Variants in FEZ2 observed in about 807,000 individuals in gnomAD.
The protein encoded by FEZ2 is fasciculation and elongation protein zeta 2.
FEZ2 carries 51 observed loss-of-function variants against 40.4 expected under a neutral mutation model. That is an observed-to-expected ratio of 1.26 (90% CI 1.01 to 1.59). FEZ2 has a LOEUF of 1.59. FEZ2 is among the 40% of genes most tolerant of loss of function. FEZ2 has a pLI of 0.00. For missense variants in FEZ2, 640 were observed against 438.3 expected, an observed-to-expected ratio of 1.46 and a Z score of -4.11; for synonymous variants, 242 against 172.0, an observed-to-expected ratio of 1.41 and a Z score of -3.18.
chr2:36,567,556 G>A (rs1308748053), intron 5 of FEZ2, among the ~76,000 whole-genome samples: 1 of 152,124 alleles, frequency 6.6e-6, no homozygotes, highest in Non-Finnish European at 1.5e-5. Context: ...GACGTCAGGA[G>A]TTCGAGACCA....
chr2:36,563,150 C>G (rs913027719), intron 5 of FEZ2, among the ~76,000 whole-genome samples: 1 of 152,172 alleles, frequency 6.6e-6, no homozygotes, highest in Non-Finnish European at 1.5e-5. Flanking sequence ...TGTGTGGTTG[C>G]AGACATTACT....
At chr2:36,576,076 T>C (rs1306186634) in intron 5 of FEZ2, among the ~76,000 whole-genome samples, 1 of 152,184 alleles carries the variant, frequency 6.6e-6, no homozygotes, top group Non-Finnish European at 1.5e-5. Flanking sequence ...AGCAAACTCA[T>C]AGAGACCAGG....
At position 36,598,118 on chromosome 2, in the gene FEZ2, C is replaced by A. The variant is rs866404033; in HGVS notation, c.25G>T (p.Asp9Tyr). The stretch of plus-strand genomic sequence containing the variant: ...GCCGGCTCCTGGAACTCATAGAAAT[C>A]CTGCCAGTCCCCGTCCGCCGCCATC... The part of the protein sequence containing the change: MAADGDWQ[D>Y]FYEFQEPARS... Residue 9 changes from aspartate (D) to tyrosine (Y), a missense_variant, in exon 1 of 8, where the codon GAT (aspartate) becomes TAT (tyrosine). Asp to Tyr is a radical substitution (Grantham distance 160). Coordinates refer to ENST00000405912, the MANE Select transcript of FEZ2 (RefSeq NM_005102.3). 1 of 1,481,116 alleles carries A rather than the reference C, an allele frequency of 6.8e-7. No individual in the cohort carries two copies. The highest frequency in any genetic ancestry group is 1.3e-5 in the South Asian group (1 of 79,266). 91.7% of individuals were successfully genotyped at this position (1,481,116 alleles called of 1,614,324 possible).
At chr2:36,554,749 A>G (rs74874151) in intron 7 of FEZ2, among the ~76,000 whole-genome samples, 1 of 152,216 alleles carries the variant, frequency 6.6e-6, no homozygotes, top group Admixed American at 6.5e-5. Context: ...CACCCTGTGT[A>G]TACTACTGAG....
intron 7 of FEZ2, among the ~76,000 whole-genome samples, chr2:36,555,066 T>C (rs1402521475): frequency 6.6e-6 from 1 of 152,212 alleles, no homozygotes; most frequent in Non-Finnish European, 1.5e-5. Context: ...ACTTTGCTCT[T>C]TTCTCGGCAA....
At chr2:36,586,066 T>A (rs1025611223) in intron 2 of FEZ2, among the ~76,000 whole-genome samples, 1 of 151,638 alleles carries the variant, frequency 6.6e-6, no homozygotes, top group Admixed American at 6.6e-5. Flanking sequence ...CTTTAATAAT[T>A]TAATTTTTTA....
At chr2:36,593,693 T>TG (rs771846004) in intron 1 of FEZ2, among the ~76,000 whole-genome samples, 24 of 152,046 alleles carry the variant, frequency 1.6e-4, no homozygotes, top group Non-Finnish European at 3.1e-4. Flanking sequence ...TGTTCCTTTT[T>TG]GGGCCTCCAG....
At chr2:36,566,806 T>C (rs747991153) in intron 5 of FEZ2, among the ~76,000 whole-genome samples, 1 of 152,258 alleles carries the variant, frequency 6.6e-6, no homozygotes, top group African/African-American at 2.4e-5. Flanking sequence ...TGCCAAGGCC[T>C]GTTACCTCAC....
rs1669178934 is a variant in FEZ2, at chr2:36,595,131, C to A, written c.266+2746G>T. ...TAAAACCTCAGTACGTAAATACAAT[C>A]CATATTTAACCAAAACAAAAGCTGA... On this transcript the variant is annotated intron_variant, in intron 1 of 7. Transcript: ENST00000405912. Among the ~76,000 whole-genome samples, 2 of 152,114 alleles carry A rather than the reference C, an allele frequency of 1.3e-5. 1 individual carries two copies. The highest frequency in any genetic ancestry group is 1.3e-4 in the Admixed American group (2 of 15,278).
chr2:36,576,272 T>C (rs950379042), intron 5 of FEZ2, among the ~76,000 whole-genome samples: 21 of 93,930 alleles, frequency 2.2e-4, no homozygotes, highest in Middle Eastern at 0.01. Context: ...TTTTAGGCTT[T>C]TTATTTTTTT....
In FEZ2 at chr2:36,554,910, A is replaced by T. The variant is rs1215822134; in HGVS notation, c.1045+773T>A. 3.3e-5 allele frequency among the ~76,000 whole-genome samples: 5 copies of T among 152,230 alleles called. No homozygotes were observed. In the East Asian group the frequency reaches 9.6e-4, roughly 29 times the overall value. On this transcript the variant is annotated intron_variant, in intron 7 of 7. Transcript: ENST00000405912. Reference sequence around the variant, plus strand: ...CTGTTACTAGAAGAGGATTGCTCTCAAAATTTGATCAAACACTACAAAGAT... The same window carrying T: ...CTGTTACTAGAAGAGGATTGCTCTCTAAATTTGATCAAACACTACAAAGAT...
At chr2:36,562,853 AAAGAG>A (rs1461197761) in intron 5 of FEZ2, among the ~76,000 whole-genome samples, 1 of 152,240 alleles carries the variant, frequency 6.6e-6, no homozygotes, top group Non-Finnish European at 1.5e-5. Context: ...CAAATGTGAC[AAAGAG>A]AAGAGTACTT....
intron 1 of FEZ2, among the ~76,000 whole-genome samples, chr2:36,595,421 C>T (rs1669187640): frequency 1.3e-5 from 2 of 152,080 alleles, no homozygotes; most frequent in Admixed American, 6.6e-5. Flanking sequence ...AGAACCCTCA[C>T]TTGTGCAGTT....
chr2:36,572,204 C>G (rs1523786), intron 5 of FEZ2, among the ~76,000 whole-genome samples: 48,181 of 151,882 alleles, frequency 0.32, 7,983 homozygotes, highest in Middle Eastern at 0.52. Flanking sequence ...ACCTAGCCAC[C>G]GGGATTCAGA....
chr2:36,580,007 G>C (rs1668685963), intron 4 of FEZ2, among the ~76,000 whole-genome samples: 1 of 152,250 alleles, frequency 6.6e-6, no homozygotes, highest in East Asian at 1.9e-4. Context: ...ACCACGTGAA[G>C]ACATAGGGAA....
chr2:36,581,236 C>T (rs886376693), intron 4 of FEZ2, 54 bp downstream of exon 4: 6 of 1,517,120 alleles, frequency 4.0e-6, no homozygotes, highest in Admixed American at 1.7e-5. Flanking sequence ...TCATACTATA[C>T]ATTTGATACA....
rs1159048910 is a variant in FEZ2 at position 36,590,968 on chromosome 2, C to T, written c.310G>A (p.Val104Ile). ...LTDNYGNVMP[V>I]DWKSSHTRTL... is the part of the protein sequence containing the mutation. ...CTAGTATGCGATGACTTCCAGTCTACAGGCATCACATTCCCATAATTATCT... is the reference window on the plus strand; with the variant it reads ...CTAGTATGCGATGACTTCCAGTCTATAGGCATCACATTCCCATAATTATCT... The change falls in exon 2 of 8, where the codon GTA becomes ATA. Residue 104 changes from valine to isoleucine, a missense_variant. By Grantham distance (29) the Val-to-Ile change is conservative. Coordinates refer to ENST00000405912, the MANE Select transcript of FEZ2 (RefSeq NM_005102.3). 1 of 1,612,674 alleles carries T rather than the reference C, an allele frequency of 6.2e-7. No individual in the cohort carries two copies. The highest frequency in any genetic ancestry group is 1.1e-5 in the South Asian group (1 of 91,056).
At chr2:36,593,170 T>A (rs2888371) in intron 1 of FEZ2, among the ~76,000 whole-genome samples, 3,581 of 152,280 alleles carry the variant, frequency 0.024, 129 homozygotes, top group African/African-American at 0.081. Context: ...GGACTTACAG[T>A]TCCACATGGC....
intron 5 of FEZ2, among the ~76,000 whole-genome samples, chr2:36,576,395 G>C (rs997681437): frequency 6.6e-6 from 1 of 151,934 alleles, no homozygotes; most frequent in African/African-American, 2.4e-5. Flanking sequence ...TCAGCCTCCC[G>C]AGTAGCTGGG....
Sources: allele counts gnomAD v4.1 joint callset (sites outside exome capture counted in the v4.1 genomes callset), GRCh38; gene constraint gnomAD v4.1.1; transcripts MANE v1.5; gene names NCBI Gene and HGNC (gene_info 2026-07-23, HGNC 2026-07-21).